CDH23: variants seen among roughly 807,000 people sequenced by gnomAD.
CDH23 encodes the protein cadherin related 23, also known as cadherin-23.
A neutral mutation model predicts 317.1 loss-of-function variants in CDH23; 189 were observed. The ratio of observed to expected loss-of-function variants is 0.60; its 90% CI spans 0.53 to 0.67. The LOEUF is 0.67. Among genes scored for constraint, CDH23 ranks in the 30% least tolerant of loss-of-function variants. The probability of loss-of-function intolerance (pLI) is 0.00; values close to 1 mark genes in which losing one functional copy is unlikely to be tolerated. For missense variants in CDH23, 4,401 were observed against 4,592.4 expected (o/e 0.96, Z 1.20); for synonymous variants, 1,839 against 1,876.8 (o/e 0.98, Z 0.52).
At chr10:71,661,888 G>A (rs1409967525) in intron 14 of CDH23, among the ~76,000 whole-genome samples, 7 of 112,074 alleles carry the variant, frequency 6.2e-5, no homozygotes, top group Admixed American at 8.7e-5. Flanking sequence ...CACCCAGCGC[G>A]CCCCCTCCCA....
intron 14 of CDH23, among the ~76,000 whole-genome samples, chr10:71,659,720 C>A (rs891700009): frequency 1.3e-5 from 2 of 152,178 alleles, no homozygotes; most frequent in Non-Finnish European, 1.5e-5. Flanking sequence ...TAACCATGAA[C>A]GACTAGATTG....
chr10:71,490,098 G>T (rs903783610), intron 3 of CDH23, among the ~76,000 whole-genome samples: 1 of 151,950 alleles, frequency 6.6e-6, no homozygotes, highest in African/African-American at 2.4e-5. Context: ...TCTTTTCTGG[G>T]CCCCGGGGAC....
chr10:71,675,032 C>T (rs1025710034), intron 14 of CDH23, 80 bp from the exon 15 acceptor site: 56 of 1,304,106 alleles, frequency 4.3e-5, no homozygotes, highest in Admixed American at 4.0e-4. Context: ...AGGAGACGTG[C>T]GAGAGGAACA....
At position 71,572,022 on chromosome 10, in the gene CDH23, G is replaced by C. The variant is rs10999887; in HGVS notation, c.753+1104G>C. 7.8e-4 allele frequency among the ~76,000 whole-genome samples: 118 copies of C among 152,256 alleles called. 2 individuals are homozygous for C. The highest frequency in any genetic ancestry group is 7.4e-3 in the Admixed American group (113 of 15,292). ...CACAGCATGAGGCCGCAGTCTCCTG[G>C]TGTATGGGGCTGGCATTTGGCCACT... On this transcript the variant is annotated intron_variant, in intron 8 of 69. Coordinates refer to ENST00000224721, the MANE Select transcript of CDH23 (RefSeq NM_022124.6).
At chr10:71,455,387 ACTT>A (rs1456403246) in intron 3 of CDH23, among the ~76,000 whole-genome samples, 1 of 152,106 alleles carries the variant, frequency 6.6e-6, no homozygotes, top group African/African-American at 2.4e-5. Context: ...TGATTTTTAA[ACTT>A]CTTTTTAAGC....
rs765326107 is a variant in CDH23 at position 71,811,443 on chromosome 10, G to T, written c.9198+8G>T. On this transcript the variant is annotated splice_region_variant and intron_variant, in intron 63 of 69. Coordinates refer to ENST00000224721, the MANE Select transcript of CDH23 (RefSeq NM_022124.6). ...GACATGTCTGCCCTGCAGGTACCCG[G>T]CGACCGTGCCCCACAGCCCTAGCCG... The T allele has an allele frequency of 6.2e-7, 1 of 1,613,948 alleles. No homozygotes were observed. Among genetic ancestry groups the T allele is most frequent in the Non-Finnish European group, 8.5e-7 (1 of 1,179,880 alleles).
intron 43 of CDH23, 149 bp from the exon 44 acceptor site, chr10:71,785,482 C>T: frequency 1.6e-6 from 1 of 632,014 alleles, no homozygotes; most frequent in Non-Finnish European, 2.9e-6. Flanking sequence ...CACTCTCGCC[C>T]CGGCGAGACC....
rs1238773436 is a variant in CDH23, at chr10:71,467,628, G to A, written c.145+21233G>A. 2.0e-5 allele frequency among the ~76,000 whole-genome samples: 3 copies of A among 152,172 alleles called. No individual in the cohort carries two copies. In the East Asian group the frequency reaches 5.8e-4, roughly 29 times the overall value. On this transcript the variant is annotated intron_variant, in intron 3 of 69. Coordinates refer to ENST00000224721, the MANE Select transcript of CDH23 (RefSeq NM_022124.6). ...AAATCTGACTCTGCCGCCACCACCT[G>A]TGTGCCTTTAGACAAGGTTCTGAAC...
At chr10:71,609,995 T>TGTGTGTGTGAGAGA (rs3222215) in intron 9 of CDH23, among the ~76,000 whole-genome samples, 1 of 140,822 alleles carries the variant, frequency 7.1e-6, no homozygotes, top group African/African-American at 2.6e-5. Context: ...TGTGTGTGTG[T>TGTGTGTGTGAGAGA]GAGAGAGACA....
intron 6 of CDH23, among the ~76,000 whole-genome samples, chr10:71,527,414 C>T (rs1343219528): frequency 1.3e-5 from 2 of 152,238 alleles, no homozygotes; most frequent in Non-Finnish European, 2.9e-5. Flanking sequence ...GCCAGGTCGA[C>T]GCAGCACAGC....
At chr10:71,633,554 C>T (rs746512945) in intron 11 of CDH23, among the ~76,000 whole-genome samples, 1 of 152,194 alleles carries the variant, frequency 6.6e-6, no homozygotes, top group Non-Finnish European at 1.5e-5. Context: ...GAGCCCAGCA[C>T]CCTGTCCCAG....
intron 3 of CDH23, among the ~76,000 whole-genome samples, chr10:71,494,492 G>A (rs532680720): frequency 4.3e-4 from 65 of 152,294 alleles, no homozygotes; most frequent in Admixed American, 9.8e-4. Flanking sequence ...TCGGCAAGTT[G>A]CTAAACCTCT....
At chr10:71,776,617 C>G (rs940397792) in intron 38 of CDH23, among the ~76,000 whole-genome samples, 1 of 152,128 alleles carries the variant, frequency 6.6e-6, no homozygotes, top group African/African-American at 2.4e-5. Context: ...GAGACTAGCA[C>G]CAACCACAGG....
chr10:71,803,739 G>C (rs1021728636), intron 55 of CDH23, among the ~76,000 whole-genome samples: 2 of 148,716 alleles, frequency 1.3e-5, no homozygotes, highest in African/African-American at 5.0e-5. Flanking sequence ...GGAGGCCAAG[G>C]CAGGTGGAAC....
chr10:71,636,787 G>A (rs1158071317), intron 11 of CDH23, among the ~76,000 whole-genome samples: 3 of 152,226 alleles, frequency 2.0e-5, no homozygotes, highest in African/African-American at 4.8e-5. Context: ...CCCAAGAGGT[G>A]CTCCACTCCC....
At chr10:71,709,010 G>T in intron 26 of CDH23, 88 bp from the exon 27 acceptor site, 1 of 1,187,394 alleles carries the variant, frequency 8.4e-7, no homozygotes, top group Non-Finnish European at 1.2e-6. Flanking sequence ...ACTCACCATC[G>T]CGGGTCCCAG....
intron 41 of CDH23, among the ~76,000 whole-genome samples, chr10:71,783,450 G>T (rs77868883): frequency 6.6e-6 from 1 of 152,204 alleles, no homozygotes; most frequent in South Asian, 2.1e-4. Flanking sequence ...TTCACTTGCT[G>T]CAGGAGTGCA....
intron 1 of CDH23, among the ~76,000 whole-genome samples, chr10:71,415,229 G>A (rs1025164767): frequency 6.6e-6 from 1 of 151,994 alleles, no homozygotes; most frequent in Admixed American, 6.6e-5. Context: ...TCCTGTCTTA[G>A]CCTTCTCAGG....
intron 3 of CDH23, among the ~76,000 whole-genome samples, chr10:71,449,421 A>G (rs1454658955): frequency 6.6e-6 from 1 of 152,194 alleles, no homozygotes; most frequent in Non-Finnish European, 1.5e-5. Flanking sequence ...TTCCAGGAAG[A>G]AAAAATTCTT....
Sources: allele counts gnomAD v4.1 joint callset (sites outside exome capture counted in the v4.1 genomes callset), GRCh38; gene constraint gnomAD v4.1.1; transcripts MANE v1.5; gene names NCBI Gene and HGNC (gene_info 2026-07-23, HGNC 2026-07-21).